The following MYO6 variants were observed in gnomAD, a reference collection of about 807,000 sequenced individuals.
The protein encoded by MYO6 is myosin VI.
In MYO6, 74 loss-of-function variants were observed where a neutral mutation model predicts 178.7. The ratio of observed to expected loss-of-function variants is 0.41; its 90% CI spans 0.34 to 0.50. The LOEUF is 0.50. Ranked by LOEUF, MYO6 falls within the 20% of genes least tolerant of loss-of-function variation. The probability of loss-of-function intolerance (pLI) is 0.09; values close to 1 mark genes in which losing one functional copy is unlikely to be tolerated. For synonymous variants in MYO6, 477 were observed against 504.6 expected, an observed-to-expected ratio of 0.95 and a Z score of 0.73; for missense variants, 1,330 against 1,547.4, an observed-to-expected ratio of 0.86 and a Z score of 2.36.
chr6:75,784,657 G>T (rs557943839), intron 1 of MYO6, among the ~76,000 whole-genome samples: 177 of 151,610 alleles, frequency 1.2e-3, no homozygotes, highest in African/African-American at 4.2e-3. Context: ...GGCGCCTGTA[G>T]TCCCAGTTAC....
chr6:75,831,415 A>G (rs1251441964), intron 5 of MYO6, among the ~76,000 whole-genome samples: 6 of 152,128 alleles, frequency 3.9e-5, no homozygotes, highest in African/African-American at 1.4e-4. Flanking sequence ...GCAGCAGCAG[A>G]TTTACTTTTG....
chr6:75,840,391 G>C (rs1294381636), intron 7 of MYO6, among the ~76,000 whole-genome samples, 194 bp from the exon 8 acceptor site: 1 of 152,062 alleles, frequency 6.6e-6, no homozygotes, highest in Non-Finnish European at 1.5e-5. Context: ...TCGAACTCCT[G>C]ACCTCGTGAT....
chr6:75,890,245 GGAA>G lies in MYO6; in HGVS notation c.2850_2852del (p.Glu953del). The G allele has an allele frequency of 2.5e-6, 4 of 1,613,532 alleles. No individual in the cohort carries two copies. Among genetic ancestry groups the G allele is most frequent in the Non-Finnish European group, 3.4e-6 (4 of 1,179,530 alleles). Reference sequence around the variant, plus strand: ...AAGAAGACGAAAAACGTCGAAGAAAGGAAGAGGAGGAAAGGCGGATGTGAGGCA... The same window carrying G: ...AAGAAGACGAAAAACGTCGAAGAAAGGAGGAGGAAAGGCGGATGTGAGGCA... On this transcript the variant is annotated inframe_deletion, in exon 26 of 35. Transcript: ENST00000369977.
chr6:75,784,914 C>G (rs528067148), intron 1 of MYO6, among the ~76,000 whole-genome samples: 1 of 151,556 alleles, frequency 6.6e-6, no homozygotes, highest in East Asian at 1.9e-4. Context: ...TTTGTTAATC[C>G]TTGGAATTGG....
intron 4 of MYO6, among the ~76,000 whole-genome samples, chr6:75,828,814 CAGAA>C (rs958971636): frequency 1.3e-5 from 2 of 152,088 alleles, no homozygotes; most frequent in African/African-American, 4.8e-5. Context: ...GCCTGGTACA[CAGAA>C]AGCACTTAAT....
rs574483782 is a variant in MYO6, at chr6:75,889,709, G to A, written c.2659-348G>A. Among the ~76,000 whole-genome samples, 5 of 152,226 alleles carry A rather than the reference G, an allele frequency of 3.3e-5. No individual in the cohort carries two copies. The South Asian group carries it at 1.0e-3, about 32-fold the overall frequency. ...ATTATAGGTGTGAGCCACTGCACCC[G>A]GCCTAGAAATAATTTTTAACTGCAG... On this transcript the variant is annotated intron_variant, in intron 25 of 34. Coordinates refer to ENST00000369977, the MANE Select transcript of MYO6 (RefSeq NM_004999.4).
chr6:75,756,749 C>G (rs544808333), intron 1 of MYO6, among the ~76,000 whole-genome samples: 125 of 152,118 alleles, frequency 8.2e-4, no homozygotes, highest in African/African-American at 2.9e-3. Flanking sequence ...GTGTTATGAC[C>G]TTCATTTTAC....
intron 20 of MYO6, among the ~76,000 whole-genome samples, chr6:75,879,196 A>G (rs150254366): frequency 1.5e-3 from 228 of 152,248 alleles, no homozygotes; most frequent in African/African-American, 5.4e-3. Context: ...TGTGACACAG[A>G]GTCTTCTAAC....
chr6:75,901,045 G>C (rs1779731901), intron 30 of MYO6, among the ~76,000 whole-genome samples: 1 of 152,004 alleles, frequency 6.6e-6, no homozygotes, highest in African/African-American at 2.4e-5. Context: ...GATAGTTGTA[G>C]ATATATGGCG....
chr6:75,784,811 G>A (rs73751008), intron 1 of MYO6, among the ~76,000 whole-genome samples: 171 of 150,150 alleles, frequency 1.1e-3, no homozygotes, highest in African/African-American at 4.1e-3. Context: ...AAAGAGGGTG[G>A]AGCTGAGGAA....
intron 1 of MYO6, among the ~76,000 whole-genome samples, chr6:75,799,505 A>G (rs1321086923): frequency 6.6e-6 from 1 of 152,180 alleles, no homozygotes; most frequent in Admixed American, 6.5e-5. Flanking sequence ...ATTCATCATC[A>G]ACTTTTGAAA....
intron 3 of MYO6, among the ~76,000 whole-genome samples, chr6:75,825,246 T>C (rs1271358845): frequency 1.3e-5 from 2 of 152,214 alleles, no homozygotes; most frequent in Non-Finnish European, 2.9e-5. Flanking sequence ...CACATAATGT[T>C]CTTCGTGAAT....
chr6:75,895,436 T>C (rs896077715), intron 29 of MYO6, among the ~76,000 whole-genome samples, 176 bp downstream of exon 29: 2 of 152,084 alleles, frequency 1.3e-5, no homozygotes, highest in Non-Finnish European at 2.9e-5. Context: ...TCAATCACAG[T>C]AGCTCATGAT....
chr6:75,762,180 C>T (rs554477694), intron 1 of MYO6, among the ~76,000 whole-genome samples: 2 of 152,318 alleles, frequency 1.3e-5, no homozygotes, highest in African/African-American at 4.8e-5. Flanking sequence ...CATGATCCGC[C>T]TGCCTCGGCC....
intron 1 of MYO6, among the ~76,000 whole-genome samples, chr6:75,765,725 A>G (rs995486022): frequency 3.3e-5 from 5 of 152,002 alleles, no homozygotes; most frequent in Admixed American, 6.6e-5. Context: ...TGATACAGCA[A>G]GAACTTCAAA....
intron 1 of MYO6, among the ~76,000 whole-genome samples, chr6:75,815,520 A>G (rs1771130082): frequency 6.6e-6 from 1 of 152,226 alleles, no homozygotes; most frequent in East Asian, 1.9e-4. Context: ...TGATTAGGGA[A>G]AGAGTATAGA....
chr6:75,850,846 C>G (rs976515154), intron 11 of MYO6, among the ~76,000 whole-genome samples: 1 of 151,472 alleles, frequency 6.6e-6, no homozygotes, highest in Non-Finnish European at 1.5e-5. Context: ...ATTATAAGTG[C>G]TTTAAATGAG....
At chr6:75,765,813 G>A (rs1453446161) in intron 1 of MYO6, among the ~76,000 whole-genome samples, 1 of 152,076 alleles carries the variant, frequency 6.6e-6, no homozygotes, top group Admixed American at 6.6e-5. Context: ...GATCATTTGA[G>A]CCCAGGAGTT....
At chr6:75,871,561 A>G (rs1438346526) in intron 19 of MYO6, among the ~76,000 whole-genome samples, 1 of 152,152 alleles carries the variant, frequency 6.6e-6, no homozygotes, top group Non-Finnish European at 1.5e-5. Context: ...GAACTTGCGT[A>G]TTCTTTTTCA....
Sources: gnomAD v4.1 joint callset for allele counts (sites outside exome capture counted in the v4.1 genomes callset) on GRCh38, gnomAD v4.1.1 for gene constraint, MANE v1.5 for transcripts, NCBI Gene and HGNC (gene_info 2026-07-23, HGNC 2026-07-21) for gene names.